SCN11A: variants seen among roughly 807,000 people sequenced by gnomAD.
SCN11A encodes sodium voltage-gated channel alpha subunit 11.
In SCN11A, 122 loss-of-function variants were observed where a neutral mutation model predicts 162.2. The observed-to-expected ratio is 0.75, with a 90% confidence interval of 0.65 to 0.87. The LOEUF (loss-of-function observed/expected upper bound fraction) is 0.87. Ranked by LOEUF, SCN11A falls within the 40% of genes least tolerant of loss-of-function variation. The probability of loss-of-function intolerance (pLI) is 0.00; values close to 1 mark genes in which losing one functional copy is unlikely to be tolerated. For missense variants in SCN11A, 2,015 were observed against 2,181.6 expected (o/e 0.92, Z 1.52); for synonymous variants, 758 against 751.5 (o/e 1.01, Z -0.14).
intron 2 of SCN11A, among the ~76,000 whole-genome samples, chr3:38,981,657 G>A (rs1269893713): frequency 6.6e-6 from 1 of 151,738 alleles, no homozygotes; most frequent in African/African-American, 2.4e-5. Context: ...CCATCCCAAG[G>A]CCAAGCATGA....
In SCN11A at chr3:38,871,479, T is replaced by C; in HGVS notation, c.3725A>G (p.Asn1242Ser). Residue 1242 changes from asparagine to serine, a missense_variant, in exon 25 of 30, where the codon AAT becomes AGT. Transcript: ENST00000302328. ...CAGAGCGAGGTAAGCATTTCCCACA[T>C]TGTCAAAGTTGACTTTCTGGTTGAT... ...SWINQKVNFD[N>S]VGNAYLALLQ... The C allele has an allele frequency of 6.2e-7, 1 of 1,612,384 alleles. No homozygotes were observed. The highest frequency in any genetic ancestry group is 8.5e-7 in the Non-Finnish European group (1 of 1,179,256).
intron 2 of SCN11A, among the ~76,000 whole-genome samples, chr3:38,983,882 A>G (rs2030143890): frequency 6.6e-6 from 1 of 152,240 alleles, no homozygotes; most frequent in African/African-American, 2.4e-5. Flanking sequence ...AAACTTACAC[A>G]TTACAAATCC....
chr3:38,929,387 G>A (rs1246069809), intron 7 of SCN11A, among the ~76,000 whole-genome samples: 1 of 152,162 alleles, frequency 6.6e-6, no homozygotes, highest in African/African-American at 2.4e-5. Context: ...TGAGGCAGGG[G>A]CTGAGGGGAA....
At chr3:38,850,857 C>T (rs770913606) in intron 28 of SCN11A, 106 bp from the exon 29 acceptor site, 1 of 939,106 alleles carries the variant, frequency 1.1e-6, no homozygotes, top group South Asian at 1.9e-5. Flanking sequence ...ACAATTAAAG[C>T]AGTTCCTTGA....
At chr3:39,042,974 AAAAAAG>A (rs1553652698) in intron 1 of SCN11A, among the ~76,000 whole-genome samples, 3 of 103,660 alleles carry the variant, frequency 2.9e-5, no homozygotes, top group African/African-American at 5.4e-5. Flanking sequence ...AAAAAAAAAA[AAAAAAG>A]AAAAAGAAAA....
intron 5 of SCN11A, among the ~76,000 whole-genome samples, chr3:38,949,017 A>T (rs747212341): frequency 1.1e-4 from 17 of 152,150 alleles, no homozygotes; most frequent in Non-Finnish European, 2.5e-4. Flanking sequence ...TGTGGTCCTC[A>T]TTTGGCCTGG....
chr3:38,857,670 GA>G (rs2064892389), intron 28 of SCN11A, among the ~76,000 whole-genome samples: 1 of 152,016 alleles, frequency 6.6e-6, no homozygotes, highest in African/African-American at 2.4e-5. Flanking sequence ...ATCACAAAAA[GA>G]TTATCACCTA....
At chr3:38,936,218 C>A (rs569620057) in intron 7 of SCN11A, among the ~76,000 whole-genome samples, 1 of 151,888 alleles carries the variant, frequency 6.6e-6, no homozygotes, top group Non-Finnish European at 1.5e-5. Flanking sequence ...TGGGACGTAT[C>A]TCAAAATAAT....
At chr3:39,008,247 C>A (rs2031030183) in intron 2 of SCN11A, among the ~76,000 whole-genome samples, 1 of 151,996 alleles carries the variant, frequency 6.6e-6, no homozygotes, top group Non-Finnish European at 1.5e-5. Context: ...AAAATCATTT[C>A]CAAATTATTA....
intron 11 of SCN11A, among the ~76,000 whole-genome samples, chr3:38,918,467 T>C (rs980656254): frequency 6.6e-6 from 1 of 152,100 alleles, no homozygotes; most frequent in Non-Finnish European, 1.5e-5. Context: ...GGGATCTAGG[T>C]TGCACGCTCC....
chr3:38,975,394 C>G (rs1399093651), intron 2 of SCN11A, among the ~76,000 whole-genome samples: 3 of 152,110 alleles, frequency 2.0e-5, no homozygotes, highest in Non-Finnish European at 4.4e-5. Context: ...AGAATAATGT[C>G]TAATTCGAGG....
intron 2 of SCN11A, among the ~76,000 whole-genome samples, chr3:38,973,025 T>C (rs980734632): frequency 1.2e-4 from 19 of 152,170 alleles, no homozygotes; most frequent in African/African-American, 4.3e-4. Flanking sequence ...TTACATTATA[T>C]AGGAGACAAT....
intron 7 of SCN11A, among the ~76,000 whole-genome samples, chr3:38,938,735 T>A (rs1225820132): frequency 6.6e-6 from 1 of 150,818 alleles, no homozygotes; most frequent in Non-Finnish European, 1.5e-5. Context: ...CGGCTAATTT[T>A]GTATTCTTAG....
At chr3:38,878,523 T>A (rs1277075793) in intron 23 of SCN11A, among the ~76,000 whole-genome samples, 2 of 152,090 alleles carry the variant, frequency 1.3e-5, no homozygotes, top group African/African-American at 4.8e-5. Flanking sequence ...ACACAGTTTT[T>A]AGGGTTTTCT....
At chr3:38,994,992 C>T (rs192729654) in intron 2 of SCN11A, among the ~76,000 whole-genome samples, 23 of 152,280 alleles carry the variant, frequency 1.5e-4, no homozygotes, top group Non-Finnish European at 3.4e-4. Context: ...TCTACATTCA[C>T]CCACCCTCCA....
intron 1 of SCN11A, among the ~76,000 whole-genome samples, chr3:39,051,308 G>C (rs1191479089): frequency 6.6e-6 from 1 of 151,998 alleles, no homozygotes; most frequent in Non-Finnish European, 1.5e-5. Flanking sequence ...CCCAGTGTGT[G>C]TTGTCCCCCT....
At position 38,905,198 on chromosome 3, in the gene SCN11A, T is replaced by A; in HGVS notation, c.1597A>T (p.Met533Leu). ...LSAVSILTIT[M>L]KEQEKSQEPC... ...ATTGGGATGTGGAACTTACCCTTCA[T>A]GGTGATGGTGAGGATGCTGACAGCA... The change falls in exon 15 of 30, where the codon ATG becomes TTG. Residue 533 changes from methionine to leucine, a missense_variant. Met to Leu is a conservative substitution (Grantham distance 15). Transcript: ENST00000302328. 6.2e-7 allele frequency: 1 copy of A among 1,614,034 alleles called. No individual in the cohort carries two copies. The highest frequency in any genetic ancestry group is 8.5e-7 in the Non-Finnish European group (1 of 1,179,926).
chr3:38,879,376 T>C (rs1258776160), intron 23 of SCN11A, among the ~76,000 whole-genome samples: 1 of 152,186 alleles, frequency 6.6e-6, no homozygotes, highest in East Asian at 1.9e-4. Flanking sequence ...TGAATCCCAA[T>C]TTCACCACTT....
chr3:38,952,163 C>T (rs886590371), intron 4 of SCN11A, among the ~76,000 whole-genome samples: 10 of 152,260 alleles, frequency 6.6e-5, no homozygotes, highest in African/African-American at 2.2e-4. Flanking sequence ...TAACACTCAC[C>T]GCGAGAGTCC....
Sources: gnomAD v4.1 joint callset for allele counts (sites outside exome capture counted in the v4.1 genomes callset) on GRCh38, gnomAD v4.1.1 for gene constraint, MANE v1.5 for transcripts, NCBI Gene and HGNC (gene_info 2026-07-23, HGNC 2026-07-21) for gene names.